Variants in MBOAT1 observed in about 807,000 individuals in gnomAD.
MBOAT1 encodes membrane-bound glycerophospholipid O-acyltransferase 1.
A neutral mutation model predicts 64.4 loss-of-function variants in MBOAT1; 67 were observed. The ratio of observed to expected loss-of-function variants is 1.04; its 90% CI spans 0.85 to 1.27. The LOEUF is 1.27. Ranked by LOEUF, MBOAT1 falls within the 50% of genes most tolerant of loss-of-function variation. MBOAT1 has a pLI of 0.00. For synonymous variants in MBOAT1, 229 were observed against 218.9 expected (o/e 1.05, Z -0.41); for missense variants, 563 against 604.6 (o/e 0.93, Z 0.72).
At chr6:20,166,758 TA>T (rs1241192736) in intron 1 of MBOAT1, among the ~76,000 whole-genome samples, 1 of 151,738 alleles carries the variant, frequency 6.6e-6, no homozygotes, top group Non-Finnish European at 1.5e-5. Context: ...GGCAAGAGAG[TA>T]AGACCTCATC....
chr6:20,210,560 C>T (rs1365294869), intron 1 of MBOAT1, among the ~76,000 whole-genome samples: 1 of 152,086 alleles, frequency 6.6e-6, no homozygotes, highest in Non-Finnish European at 1.5e-5. Flanking sequence ...ATTTCTCCTT[C>T]GGTTTATCCC....
intron 1 of MBOAT1, among the ~76,000 whole-genome samples, chr6:20,186,052 G>A (rs146582144): frequency 5.9e-4 from 90 of 152,278 alleles, no homozygotes; most frequent in African/African-American, 2.1e-3. Flanking sequence ...GCATGGTGGT[G>A]TACACCTGTA....
intron 1 of MBOAT1, among the ~76,000 whole-genome samples, chr6:20,168,900 T>TGGGCCGGGCGCGGTGGCTCA (rs1189963323): frequency 6.7e-6 from 1 of 149,660 alleles, no homozygotes; most frequent in African/African-American, 2.5e-5. Flanking sequence ...ACAAATATCA[T>TGGGCCGGGCGCGGTGGCTCA]CGGGGTTTTC....
chr6:20,184,114 C>T (rs985648665), intron 1 of MBOAT1, among the ~76,000 whole-genome samples: 9 of 152,318 alleles, frequency 5.9e-5, no homozygotes, highest in Middle Eastern at 3.4e-3. Flanking sequence ...AACCATGTTA[C>T]TCTTCCGTTT....
At chr6:20,196,868 A>AC (rs1762970151) in intron 1 of MBOAT1, among the ~76,000 whole-genome samples, 3 of 139,172 alleles carry the variant, frequency 2.2e-5, no homozygotes, top group Admixed American at 7.4e-5. Context: ...ATCTCAAAAA[A>AC]AAAAACAAAC....
chr6:20,162,138 C>T (rs1761883884), intron 1 of MBOAT1, among the ~76,000 whole-genome samples: 1 of 152,142 alleles, frequency 6.6e-6, no homozygotes, highest in Non-Finnish European at 1.5e-5. Context: ...TTAATGACTG[C>T]TTTGAAAGCC....
At chr6:20,195,099 T>G (rs1227127949) in intron 1 of MBOAT1, among the ~76,000 whole-genome samples, 1 of 151,996 alleles carries the variant, frequency 6.6e-6, no homozygotes, top group Non-Finnish European at 1.5e-5. Flanking sequence ...ACCATAGGCA[T>G]ATGCCACCAT....
chr6:20,195,769 A>T (rs926695569), intron 1 of MBOAT1, among the ~76,000 whole-genome samples: 4 of 152,244 alleles, frequency 2.6e-5, no homozygotes, highest in African/African-American at 4.8e-5. Flanking sequence ...CTGTCAGAAA[A>T]TAAGAAGATT....
chr6:20,110,200 C>T (rs6939184), intron 11 of MBOAT1, among the ~76,000 whole-genome samples: 81,136 of 148,256 alleles, frequency 0.55, 22,291 homozygotes, highest in East Asian at 0.69. Context: ...TGAGCCACCG[C>T]GCCCGGCCCA....
intron 8 of MBOAT1, among the ~76,000 whole-genome samples, chr6:20,124,062 AAAAG>A (rs923326772): frequency 2.0e-5 from 3 of 152,184 alleles, no homozygotes; most frequent in African/African-American, 4.8e-5. Flanking sequence ...ATGTCAAAAA[AAAAG>A]AAAGCCAGAT....
intron 4 of MBOAT1, among the ~76,000 whole-genome samples, chr6:20,133,880 T>G (rs527386557): frequency 6.6e-6 from 1 of 152,128 alleles, no homozygotes; most frequent in Non-Finnish European, 1.5e-5. Context: ...CTGGCCCCAT[T>G]GCTGCGATTT....
intron 1 of MBOAT1, among the ~76,000 whole-genome samples, chr6:20,204,978 T>G (rs1229737127): frequency 6.6e-6 from 1 of 152,046 alleles, no homozygotes; most frequent in Non-Finnish European, 1.5e-5. Flanking sequence ...GAGAGGATCG[T>G]TTCAGGCCAG....
intron 1 of MBOAT1, among the ~76,000 whole-genome samples, chr6:20,204,151 C>T (rs1287879487): frequency 1.3e-5 from 2 of 152,214 alleles, no homozygotes; most frequent in African/African-American, 4.8e-5. Context: ...ACTGTCTCAC[C>T]TGGCCCCTCT....
intron 1 of MBOAT1, among the ~76,000 whole-genome samples, chr6:20,207,949 T>A (rs1263941388): frequency 1.3e-5 from 2 of 152,206 alleles, no homozygotes; most frequent in African/African-American, 4.8e-5. Context: ...GACCTTGATT[T>A]TTTTCATCTT....
chr6:20,148,974 G>A (rs926801579), intron 3 of MBOAT1, among the ~76,000 whole-genome samples: 10 of 151,758 alleles, frequency 6.6e-5, no homozygotes, highest in Admixed American at 1.3e-4. Context: ...AGTGGCACGC[G>A]CCTGTAGTCC....
At chr6:20,123,686 C>T (rs796237315) in intron 8 of MBOAT1, among the ~76,000 whole-genome samples, 4 of 151,384 alleles carry the variant, frequency 2.6e-5, no homozygotes, top group Admixed American at 6.6e-5. Context: ...AGAAGTGTAA[C>T]CTAAATTAGC....
At chr6:20,104,036 G>A (rs1759880582) in intron 12 of MBOAT1, among the ~76,000 whole-genome samples, 1 of 152,006 alleles carries the variant, frequency 6.6e-6, no homozygotes, top group South Asian at 2.1e-4. Flanking sequence ...GATTTTTACT[G>A]TACCTTCTCT....
intron 1 of MBOAT1, among the ~76,000 whole-genome samples, chr6:20,180,403 C>T (rs569518857): frequency 1.3e-5 from 2 of 152,264 alleles, no homozygotes; most frequent in South Asian, 2.1e-4. Flanking sequence ...CATTACTTGC[C>T]GTTTTCCCCT....
chr6:20,107,947 A>G (rs564679112), intron 12 of MBOAT1, among the ~76,000 whole-genome samples: 1 of 152,168 alleles, frequency 6.6e-6, no homozygotes, highest in East Asian at 1.9e-4. Flanking sequence ...TGTAGAGGAC[A>G]AAAGGGCAAA....
Sources: gnomAD v4.1 joint callset for allele counts (sites outside exome capture counted in the v4.1 genomes callset) on GRCh38, gnomAD v4.1.1 for gene constraint, MANE v1.5 for transcripts, NCBI Gene and HGNC (gene_info 2026-07-23, HGNC 2026-07-21) for gene names.